The following CLUL1 variants were observed in gnomAD, a reference collection of about 807,000 sequenced individuals.
CLUL1 encodes clusterin-like protein 1.
Under a neutral mutation model 49.4 loss-of-function variants are expected in CLUL1, and 43 were observed. That is an observed-to-expected ratio of 0.87 (90% CI 0.68 to 1.12). The LOEUF is 1.12. Among genes scored for constraint, CLUL1 ranks in the 50% most tolerant of loss-of-function variants. The pLI is 0.00. For synonymous variants in CLUL1, 192 were observed against 184.9 expected, an observed-to-expected ratio of 1.04 and a Z score of -0.31; for missense variants, 486 against 544.4, an observed-to-expected ratio of 0.89 and a Z score of 1.07.
At chr18:614,351 A>AGAAG (rs1381770254) in intron 2 of CLUL1, among the ~76,000 whole-genome samples, 80 of 57,136 alleles carry the variant, frequency 1.4e-3, no homozygotes, top group African/African-American at 2.7e-3. Context: ...AAGGAAGGAA[A>AGAAG]GAAGGAAGGA....
At chr18:600,919 T>C (rs974595221) in intron 1 of CLUL1, among the ~76,000 whole-genome samples, 14 of 152,220 alleles carry the variant, frequency 9.2e-5, no homozygotes, top group Non-Finnish European at 1.6e-4. Flanking sequence ...TAACTGTCCC[T>C]GTTTACCCAG....
intron 2 of CLUL1, among the ~76,000 whole-genome samples, chr18:612,557 G>A (rs1567957753): frequency 6.6e-6 from 1 of 152,160 alleles, no homozygotes; most frequent in Non-Finnish European, 1.5e-5. Flanking sequence ...ATTTTGCACT[G>A]GGTCCTGAAA....
chr18:620,225 G>A (rs530191009), intron 4 of CLUL1, among the ~76,000 whole-genome samples: 3 of 152,230 alleles, frequency 2.0e-5, no homozygotes, highest in African/African-American at 4.8e-5. Flanking sequence ...ACTTTTAGCC[G>A]ACTTGCCAGA....
chr18:616,142 A>C (rs1006354406), intron 2 of CLUL1, among the ~76,000 whole-genome samples: 1 of 152,188 alleles, frequency 6.6e-6, no homozygotes, highest in Non-Finnish European at 1.5e-5. Flanking sequence ...AGTTGTTTTT[A>C]AATGAATCAT....
chr18:637,077 T>C (rs759483682), intron 7 of CLUL1, among the ~76,000 whole-genome samples: 1 of 150,760 alleles, frequency 6.6e-6, no homozygotes, highest in Non-Finnish European at 1.5e-5. Flanking sequence ...ACCTCCGCCT[T>C]CTGGGTTCAT....
chr18:624,735 G>T (rs1405414895), intron 4 of CLUL1, 130 bp from the exon 5 acceptor site: 4 of 775,384 alleles, frequency 5.2e-6, no homozygotes, highest in African/African-American at 3.5e-5. Context: ...AGATCTGACA[G>T]CTGCGAGGCA....
chr18:612,547 A>G (rs1425626395), intron 2 of CLUL1, among the ~76,000 whole-genome samples: 2 of 152,010 alleles, frequency 1.3e-5, no homozygotes, highest in Non-Finnish European at 2.9e-5. Flanking sequence ...CCGTATTTTC[A>G]TTTTGCACTG....
At chr18:624,787 AT>A (rs2073626243) in intron 4 of CLUL1, 77 bp from the exon 5 acceptor site, 2 of 1,415,058 alleles carry the variant, frequency 1.4e-6, no homozygotes, top group Admixed American at 1.9e-5. Flanking sequence ...GAATGTATAC[AT>A]TTCAAAGGGT....
intron 2 of CLUL1, among the ~76,000 whole-genome samples, chr18:614,153 G>A (rs1054982597): frequency 5.3e-5 from 8 of 152,218 alleles, no homozygotes; most frequent in African/African-American, 1.9e-4. Context: ...TTTCCAGCAA[G>A]TGAGTTAGCC....
At chr18:603,540 C>T (rs2072887584) in intron 1 of CLUL1, among the ~76,000 whole-genome samples, 2 of 152,134 alleles carry the variant, frequency 1.3e-5, no homozygotes. Flanking sequence ...GCACCCTTTA[C>T]CCAGCCTCCT....
rs1394542308 is a variant in CLUL1 at position 637,112 on chromosome 18, G to A, written c.994+3677G>A. On this transcript the variant is annotated intron_variant, in intron 7 of 9. Transcript: ENST00000692774. ...TGCCATTCTCCTGCCTCAGCCTCCTGAGTAGCTGGGACTACAGGCGCCCGC... is the reference window on the plus strand; with the variant it reads ...TGCCATTCTCCTGCCTCAGCCTCCTAAGTAGCTGGGACTACAGGCGCCCGC... Among the ~76,000 whole-genome samples the A allele has an allele frequency of 3.3e-5, 5 of 151,848 alleles. No homozygotes were observed. In the East Asian group the frequency reaches 7.8e-4, roughly 24 times the overall value.
At chr18:641,649 G>A in intron 8 of CLUL1, 108 bp downstream of exon 8, 1 of 919,850 alleles carries the variant, frequency 1.1e-6, no homozygotes, top group South Asian at 1.6e-5. Context: ...GCTGTAGGAG[G>A]TATTCATATT....
At chr18:634,936 C>T (rs538385701) in intron 7 of CLUL1, among the ~76,000 whole-genome samples, 2 of 152,246 alleles carry the variant, frequency 1.3e-5, no homozygotes, top group South Asian at 4.1e-4. Context: ...TCCTATGCTT[C>T]TGCATTTTAT....
chr18:633,152 T>G, intron 6 of CLUL1, 146 bp from the exon 7 acceptor site: 2 of 562,240 alleles, frequency 3.6e-6, no homozygotes, highest in South Asian at 9.8e-5. Flanking sequence ...CAAGACTCTG[T>G]CTCAAAAATA....
intron 1 of CLUL1, among the ~76,000 whole-genome samples, chr18:604,691 G>A (rs1366501612): frequency 6.6e-6 from 1 of 152,164 alleles, no homozygotes. Context: ...GCTCAGTTAG[G>A]TCTGTGTTCT....
Position 645,809 on chromosome 18 carries a change from AAATATATATATATATATATATATATATAT to A in CLUL1, c.1397+714_1397+742del, listed in dbSNP as rs1191088626. On this transcript the variant is annotated intron_variant, in intron 9 of 9. Transcript: ENST00000692774. ...ACTCTGTTTAAAAAAAAAAAAAAAAAAATATATATATATATATATATATATATATATATATATATATATGTTAAACATAC... is the reference window on the plus strand; with the variant it reads ...ACTCTGTTTAAAAAAAAAAAAAAAAAATATATATATATATGTTAAACATAC... Among the ~76,000 whole-genome samples the A allele has an allele frequency of 3.5e-4, 25 of 70,472 alleles. 2 individuals carry two copies. Among genetic ancestry groups the A allele is most frequent in the Non-Finnish European group, 4.8e-4 (18 of 37,832 alleles). 46.2% of individuals were successfully genotyped at this position (70,472 alleles called of 152,430 possible).
At chr18:645,230 GA>G in intron 9 of CLUL1, 133 bp downstream of exon 9, 1 of 605,066 alleles carries the variant, frequency 1.7e-6, no homozygotes, top group Non-Finnish European at 2.6e-6. Context: ...AAACAAACAA[GA>G]TGGCATTTTC....
Position 599,249 on chromosome 18 carries a change from A to G in CLUL1, c.-136+2120A>G, listed in dbSNP as rs1476939401. On this transcript the variant is annotated intron_variant, in intron 1 of 9. Transcript: ENST00000692774. Reference sequence around the variant, plus strand: ...AAGGTAATTATGTGATGTTGTGGAAAGAACAGAGACCTGGGTTAGATAAAA... The same window carrying G: ...AAGGTAATTATGTGATGTTGTGGAAGGAACAGAGACCTGGGTTAGATAAAA... Among the ~76,000 whole-genome samples, 3 of 152,210 alleles carry G rather than the reference A, an allele frequency of 2.0e-5. No individual in the cohort carries two copies. In the East Asian group the frequency reaches 5.8e-4, roughly 29 times the overall value.
intron 4 of CLUL1, 107 bp from the exon 5 acceptor site, chr18:624,758 A>C (rs2073625136): frequency 9.5e-6 from 10 of 1,057,926 alleles, no homozygotes; most frequent in Non-Finnish European, 1.4e-5. Flanking sequence ...TGAAGGAGAA[A>C]GAATGAAAAA....
Sources: gnomAD v4.1 joint callset for allele counts (sites outside exome capture counted in the v4.1 genomes callset) on GRCh38, gnomAD v4.1.1 for gene constraint, MANE v1.5 for transcripts, NCBI Gene and HGNC (gene_info 2026-07-23, HGNC 2026-07-21) for gene names.